Variants in TDRD12 observed in about 807,000 individuals in gnomAD.
The protein encoded by TDRD12 is tudor domain containing 12.
TDRD12 carries 158 observed loss-of-function variants against 133.5 expected under a neutral mutation model. The ratio of observed to expected loss-of-function variants is 1.18; its 90% CI spans 1.04 to 1.35. The LOEUF (loss-of-function observed/expected upper bound fraction) is 1.35, where lower values mean the gene tolerates loss of function less well. TDRD12 is among the 40% of genes most tolerant of loss of function. The pLI, the probability that TDRD12 is intolerant of heterozygous loss-of-function variation, is 0.00. For missense variants in TDRD12, 1,443 were observed against 1,321.3 expected (o/e 1.09, Z -1.43); for synonymous variants, 460 against 477.9 (o/e 0.96, Z 0.49).
At chr19:32,767,195 C>T (rs1386694550) in intron 8 of TDRD12, among the ~76,000 whole-genome samples, 1 of 151,622 alleles carries the variant, frequency 6.6e-6, no homozygotes, top group African/African-American at 2.4e-5. Context: ...GTGGCGCCAT[C>T]TCAGCTCACT....
intron 26 of TDRD12, among the ~76,000 whole-genome samples, chr19:32,816,526 A>G (rs917488716): frequency 5.3e-5 from 8 of 152,206 alleles, no homozygotes; most frequent in Admixed American, 4.6e-4. Flanking sequence ...TTATTTGTTT[A>G]CCCATTCTAC....
intron 21 of TDRD12, among the ~76,000 whole-genome samples, chr19:32,806,454 T>A (rs1010501302): frequency 6.6e-6 from 1 of 151,794 alleles, no homozygotes; most frequent in Middle Eastern, 3.4e-3. Context: ...GCAGTTCTTG[T>A]GCCTCAGCCT....
chr19:32,754,693 T>G (rs1329696263), intron 6 of TDRD12, among the ~76,000 whole-genome samples: 1 of 114,994 alleles, frequency 8.7e-6, no homozygotes, highest in South Asian at 2.8e-4. Flanking sequence ...TTTTTTTTTT[T>G]GAGATGGAGT....
chr19:32,820,392 T>C (rs1967338286), intron 27 of TDRD12, among the ~76,000 whole-genome samples: 1 of 152,134 alleles, frequency 6.6e-6, no homozygotes, highest in Admixed American at 6.5e-5. Context: ...AGCTTTTCAG[T>C]GTACAGCCAA....
intron 24 of TDRD12, 124 bp from the exon 25 acceptor site, chr19:32,813,560 A>G (rs1599621575): frequency 3.3e-6 from 2 of 600,040 alleles, no homozygotes; most frequent in East Asian, 5.8e-5. Context: ...GACCTCTGTG[A>G]TCTCATAGCA....
At chr19:32,772,663 G>A (rs1169380965) in intron 8 of TDRD12, 90 bp from the exon 9 acceptor site, 2 of 703,612 alleles carry the variant, frequency 2.8e-6, no homozygotes, top group Non-Finnish European at 4.5e-6. Flanking sequence ...TTTTATAATG[G>A]TATTTGCTTT....
exon 17 of TDRD12, chr19:32,800,289 G>T (rs1216287203): frequency 6.5e-7 from 1 of 1,534,448 alleles, no homozygotes; most frequent in South Asian, 1.2e-5. Context: ...TCATCAAAGA[G>T]TTCATGAATG....
At chr19:32,734,475 A>G (rs1182190359) in intron 2 of TDRD12, among the ~76,000 whole-genome samples, 3 of 151,436 alleles carry the variant, frequency 2.0e-5, no homozygotes, top group Non-Finnish European at 2.9e-5. Flanking sequence ...GTATCGAGCA[A>G]TCCTCCCACC....
At chr19:32,744,509 A>AAC (rs1204990178) in intron 4 of TDRD12, among the ~76,000 whole-genome samples, 2 of 149,860 alleles carry the variant, frequency 1.3e-5, no homozygotes, top group Admixed American at 1.3e-4. Context: ...CAAAAAAAAA[A>AAC]AAAAAAAAAA....
chr19:32,799,728 CTTTTT>C (rs71176153), intron 16 of TDRD12, among the ~76,000 whole-genome samples: 2 of 78,436 alleles, frequency 2.5e-5, no homozygotes, highest in East Asian at 4.8e-4. Context: ...TAGTTTTTGC[CTTTTT>C]TTTTTTTTTT....
exon 13 of TDRD12, chr19:32,790,990 G>A (rs974527778): frequency 4.8e-5 from 74 of 1,535,894 alleles, no homozygotes; most frequent in Middle Eastern, 1.7e-4. Flanking sequence ...GCCTGCAGCC[G>A]CCCGTGGTAG....
intron 4 of TDRD12, among the ~76,000 whole-genome samples, chr19:32,747,757 C>G (rs1044477922): frequency 6.6e-6 from 1 of 152,072 alleles, no homozygotes; most frequent in Non-Finnish European, 1.5e-5. Flanking sequence ...GCCTGTAATC[C>G]CAGCACTTTG....
At chr19:32,817,810 G>A (rs2145748159) in intron 26 of TDRD12, among the ~76,000 whole-genome samples, 1 of 150,684 alleles carries the variant, frequency 6.6e-6, no homozygotes, top group South Asian at 2.1e-4. Context: ...TTCCGGGCGT[G>A]CCTCTGTGCG....
At chr19:32,778,574 A>G (rs895286104) in intron 11 of TDRD12, among the ~76,000 whole-genome samples, 4 of 152,138 alleles carry the variant, frequency 2.6e-5, no homozygotes, top group African/African-American at 9.7e-5. Flanking sequence ...ATCTTGGCTC[A>G]CTGCAACCTC....
At chr19:32,743,207 G>T (rs940225966) in intron 4 of TDRD12, among the ~76,000 whole-genome samples, 1 of 152,346 alleles carries the variant, frequency 6.6e-6, no homozygotes, top group South Asian at 2.1e-4. Context: ...ACGCGCGCAC[G>T]GTCTCACCCT....
intron 21 of TDRD12, among the ~76,000 whole-genome samples, chr19:32,807,296 A>G (rs1971581599): frequency 6.8e-6 from 1 of 146,920 alleles, no homozygotes; most frequent in Non-Finnish European, 1.5e-5. Flanking sequence ...AAAAAAAAAA[A>G]GAAAGTTTGC....
intron 8 of TDRD12, 39 bp from the exon 31 acceptor site, chr19:32,826,406 A>G: frequency 8.0e-7 from 1 of 1,244,944 alleles, no homozygotes; most frequent in South Asian, 3.8e-5. Context: ...AATTTTTAGC[A>G]TTTTAAAAGG....
chr19:32,829,028 T>TTG (rs1217504999), exon 10 of TDRD12: 6 of 152,382 alleles, frequency 3.9e-5, no homozygotes, highest in African/African-American at 1.4e-4. Context: ...GGGCAGGCTC[T>TTG]TGGGAAGTAG....
chr19:32,728,732 G>A (rs1290590186), intron 1 of TDRD12, among the ~76,000 whole-genome samples: 4 of 143,512 alleles, frequency 2.8e-5, no homozygotes, highest in Non-Finnish European at 6.0e-5. Context: ...TGCAAGCTCC[G>A]CCTCCTGGGT....
Sources: allele counts gnomAD v4.1 joint callset (sites outside exome capture counted in the v4.1 genomes callset), GRCh38; gene constraint gnomAD v4.1.1; transcripts MANE v1.5; gene names NCBI Gene and HGNC (gene_info 2026-07-23, HGNC 2026-07-21).